The following SMAP1 variants were observed in gnomAD, a reference collection of about 807,000 sequenced individuals.
The protein encoded by SMAP1 is stromal membrane-associated protein 1.
In SMAP1, 24 loss-of-function variants were observed where a neutral mutation model predicts 58.5. The ratio of observed to expected loss-of-function variants is 0.41; its 90% CI spans 0.30 to 0.58. The LOEUF is 0.58. Ranked by LOEUF, SMAP1 falls within the 20% of genes least tolerant of loss-of-function variation. SMAP1 has a pLI of 0.29. For missense variants in SMAP1, 563 were observed against 566.3 expected, an observed-to-expected ratio of 0.99 and a Z score of 0.06; for synonymous variants, 216 against 196.6, an observed-to-expected ratio of 1.10 and a Z score of -0.82.
At chr6:70,785,984 A>G (rs917568028) in intron 4 of SMAP1, among the ~76,000 whole-genome samples, 9 of 151,412 alleles carry the variant, frequency 5.9e-5, no homozygotes, top group Non-Finnish European at 1.0e-4. Flanking sequence ...CCAAAGCCTG[A>G]CAGAGACACA....
chr6:70,792,109 T>C (rs1415009467), intron 5 of SMAP1, among the ~76,000 whole-genome samples: 1 of 152,172 alleles, frequency 6.6e-6, no homozygotes, highest in Non-Finnish European at 1.5e-5. Context: ...TTAAAAGCAC[T>C]TAAAGAAAGT....
At chr6:70,825,919 A>G (rs1358105959) in intron 6 of SMAP1, among the ~76,000 whole-genome samples, 1 of 152,178 alleles carries the variant, frequency 6.6e-6, no homozygotes, top group Non-Finnish European at 1.5e-5. Context: ...CCATCATTAC[A>G]CTGGTCCACA....
In SMAP1 at chr6:70,686,201, G is replaced by A. The variant is rs550139465; in HGVS notation, c.118+18060G>A. On this transcript the variant is annotated intron_variant, in intron 1 of 10. Transcript: ENST00000370455. ...CTGTTTTTTTTACCTGCTATGCAGTGCAGTAAGATTTAAGAAAGTGAATCT... is the reference window on the plus strand; with the variant it reads ...CTGTTTTTTTTACCTGCTATGCAGTACAGTAAGATTTAAGAAAGTGAATCT... Among the ~76,000 whole-genome samples the A allele has an allele frequency of 2.0e-5, 3 of 152,298 alleles. No homozygotes were observed. In the South Asian group the frequency reaches 6.2e-4, roughly 32 times the overall value.
At chr6:70,682,189 T>G (rs1009328737) in intron 1 of SMAP1, among the ~76,000 whole-genome samples, 79 of 130,108 alleles carry the variant, frequency 6.1e-4, no homozygotes, top group Non-Finnish European at 8.3e-4. Flanking sequence ...TTTTTTTTTT[T>G]TTTTTTTTTT....
chr6:70,768,922 A>G (rs1025662048), intron 3 of SMAP1, among the ~76,000 whole-genome samples: 1 of 151,564 alleles, frequency 6.6e-6, no homozygotes, highest in African/African-American at 2.4e-5. Context: ...ACTGCTTTGA[A>G]TGTGTCCCAG....
intron 1 of SMAP1, among the ~76,000 whole-genome samples, chr6:70,679,002 A>G (rs1228051448): frequency 6.6e-6 from 1 of 151,238 alleles, no homozygotes; most frequent in East Asian, 1.9e-4. Flanking sequence ...AAAATTATAT[A>G]TGGAATCTAG....
At chr6:70,702,676 A>T (rs1292890387) in intron 1 of SMAP1, among the ~76,000 whole-genome samples, 3 of 145,552 alleles carry the variant, frequency 2.1e-5, no homozygotes. Flanking sequence ...TAGCTCTTTT[A>T]CCCAGGCTGG....
At chr6:70,788,272 G>T (rs193185137) in intron 4 of SMAP1, among the ~76,000 whole-genome samples, 5 of 140,088 alleles carry the variant, frequency 3.6e-5, no homozygotes, top group African/African-American at 1.3e-4. Flanking sequence ...GACACAGGAA[G>T]GGGAACATCA....
intron 4 of SMAP1, among the ~76,000 whole-genome samples, chr6:70,776,287 ATTC>A (rs1336904436): frequency 4.6e-5 from 7 of 152,110 alleles, no homozygotes. Context: ...GGTTCAAGCA[ATTC>A]TTCTGCCTCA....
At chr6:70,715,574 T>A (rs894332580) in intron 1 of SMAP1, among the ~76,000 whole-genome samples, 6 of 152,172 alleles carry the variant, frequency 3.9e-5, no homozygotes, top group African/African-American at 1.4e-4. Flanking sequence ...TTCACTTAAG[T>A]CCCTTAAGTC....
intron 10 of SMAP1, 161 bp downstream of exon 10, chr6:70,858,390 G>A: frequency 1.7e-6 from 1 of 594,398 alleles, no homozygotes; most frequent in South Asian, 2.8e-5. Context: ...TAAATATTAT[G>A]AAGTTGTATC....
intron 4 of SMAP1, among the ~76,000 whole-genome samples, chr6:70,785,007 T>C (rs1434940723): frequency 6.6e-6 from 1 of 152,184 alleles, no homozygotes; most frequent in Non-Finnish European, 1.5e-5. Flanking sequence ...TACATTTTTT[T>C]CAGCACCACA....
At chr6:70,690,375 C>T (rs1336538610) in intron 1 of SMAP1, among the ~76,000 whole-genome samples, 2 of 151,788 alleles carry the variant, frequency 1.3e-5, no homozygotes, top group East Asian at 1.9e-4. Context: ...GGTGCGATCT[C>T]GGCTCACTGC....
chr6:70,861,513 C>T lies in SMAP1; in HGVS notation c.*1179C>T. 1.5e-6 allele frequency: 1 copy of T among 659,104 alleles called. No individual in the cohort carries two copies. The allele number at this position is 659,104 out of a possible 1,614,324, so 40.8% of individuals were successfully genotyped here. ...ATTAGCTTATGTTAACTGACAAGCT[C>T]CATTTAAACAGATGTCCATCAGATG... is the stretch of plus-strand genomic sequence containing the variant. On this transcript the variant is annotated 3_prime_UTR_variant, in exon 11 of 11. Coordinates refer to ENST00000370455, the MANE Select transcript of SMAP1 (RefSeq NM_001044305.3).
At chr6:70,787,134 G>A (rs1464124944) in intron 4 of SMAP1, among the ~76,000 whole-genome samples, 1 of 152,184 alleles carries the variant, frequency 6.6e-6, no homozygotes, top group Non-Finnish European at 1.5e-5. Flanking sequence ...AGAGGCCTCA[G>A]AAATAATGCC....
intron 1 of SMAP1, among the ~76,000 whole-genome samples, chr6:70,691,704 G>C (rs1084384): frequency 0.46 from 69,605 of 151,990 alleles, 16,229 homozygotes; most frequent in South Asian, 0.5. Context: ...GAGTGAGAAT[G>C]TGAGAAGTTT....
chr6:70,859,574 TA>T (rs1436971148), intron 10 of SMAP1: 3 of 465,538 alleles, frequency 6.4e-6, no homozygotes, highest in Non-Finnish European at 1.1e-5. Flanking sequence ...CACTATATGG[TA>T]AATCTTGCCT....
At chr6:70,773,067 AGTG>A in intron 3 of SMAP1, 1 of 309,444 alleles carries the variant, frequency 3.2e-6, no homozygotes, top group Non-Finnish European at 6.0e-6. Flanking sequence ...ATGCATTGAT[AGTG>A]GTGGTGGTGA....
chr6:70,688,960 A>C (rs1231275691), intron 1 of SMAP1, among the ~76,000 whole-genome samples: 2 of 152,104 alleles, frequency 1.3e-5, no homozygotes, highest in Non-Finnish European at 2.9e-5. Context: ...ATATGATACA[A>C]GGTATGGATC....
Sources: gnomAD v4.1 joint callset for allele counts (sites outside exome capture counted in the v4.1 genomes callset) on GRCh38, gnomAD v4.1.1 for gene constraint, MANE v1.5 for transcripts, NCBI Gene and HGNC (gene_info 2026-07-23, HGNC 2026-07-21) for gene names.